The following CCDC88C variants were observed in gnomAD, a reference collection of about 807,000 sequenced individuals.
The protein encoded by CCDC88C is coiled-coil and HOOK domain protein 88C.
A neutral mutation model predicts 198.8 loss-of-function variants in CCDC88C; 131 were observed. The observed-to-expected ratio is 0.66, with a 90% CI of 0.57 to 0.76. The LOEUF (loss-of-function observed/expected upper bound fraction) is 0.76. Among genes scored for constraint, CCDC88C ranks in the 30% least tolerant of loss-of-function variants. The pLI, the probability that CCDC88C is intolerant of heterozygous loss-of-function variation, is 0.00. For missense variants in CCDC88C, 2,553 were observed against 2,631.6 expected (o/e 0.97, Z 0.65); for synonymous variants, 1,166 against 1,114.7 (o/e 1.05, Z -0.92).
chr14:91,296,836 G>A (rs1265264713), intron 22 of CCDC88C, among the ~76,000 whole-genome samples: 2 of 152,152 alleles, frequency 1.3e-5, no homozygotes, highest in African/African-American at 4.8e-5. Context: ...TCTGGAGAGG[G>A]TCTTGCTGCG....
At chr14:91,398,889 C>G (rs1316512457) in intron 3 of CCDC88C, among the ~76,000 whole-genome samples, 17 of 152,278 alleles carry the variant, frequency 1.1e-4, no homozygotes, top group Non-Finnish European at 1.8e-4. Flanking sequence ...TGGCTTTCCT[C>G]GGCCCAGACG....
In CCDC88C at chr14:91,293,581, T is replaced by TCGCCTGCCACAGCCCACCTTCCTGC. The variant is rs1567055999; in HGVS notation, c.4112+591_4112+592insGCAGGAAGGTGGGCTGTGGCAGGCG. Among the ~76,000 whole-genome samples, 72 of 27,956 alleles carry TCGCCTGCCACAGCCCACCTTCCTGC rather than the reference T, an allele frequency of 2.6e-3. 7 individuals are homozygous for TCGCCTGCCACAGCCCACCTTCCTGC. Among genetic ancestry groups the TCGCCTGCCACAGCCCACCTTCCTGC allele is most frequent in the Non-Finnish European group, 3.6e-3 (48 of 13,286 alleles). The allele number at this position is 27,956 out of a possible 152,430, so 18.3% of individuals were successfully genotyped here. On this transcript the variant is annotated intron_variant, in intron 23 of 29. Coordinates refer to ENST00000389857, the MANE Select transcript of CCDC88C (RefSeq NM_001080414.4). ...TCGCCTGCCACGGCCCACCTTCCTG[T>TCGCCTGCCACAGCCCACCTTCCTGC]CCCCTCGCCTGCCATGGCCCACCTC...
At chr14:91,398,870 T>A (rs942444046) in intron 3 of CCDC88C, among the ~76,000 whole-genome samples, 5 of 152,250 alleles carry the variant, frequency 3.3e-5, no homozygotes, top group African/African-American at 1.2e-4. Flanking sequence ...ACAGGTCTGC[T>A]GCAGAGCATG....
rs1884757437 is a variant in CCDC88C at position 91,381,001 on chromosome 14, G to A, written c.271-21290C>T. ...GGAAAAATTTAAGTAACTCTTCTAA[G>A]TGCCAAACTGATGCCCCTTCCTGCA... On this transcript the variant is annotated intron_variant, in intron 3 of 29. Coordinates refer to ENST00000389857, the MANE Select transcript of CCDC88C (RefSeq NM_001080414.4). This position sits in a 1 kb window ranked among gnomAD's most constrained non-coding sequence, Gnocchi z 4.2. Among the ~76,000 whole-genome samples the A allele has an allele frequency of 6.6e-6, 1 of 152,226 alleles. No homozygotes were observed. The highest frequency in any genetic ancestry group is 2.4e-5 in the African/African-American group (1 of 41,448).
chr14:91,367,446 G>A (rs558143508), intron 3 of CCDC88C, among the ~76,000 whole-genome samples: 63 of 152,156 alleles, frequency 4.1e-4, no homozygotes, highest in Non-Finnish European at 7.6e-4. Flanking sequence ...GGCTTCGCAG[G>A]TGCACCCAGC....
intron 4 of CCDC88C, among the ~76,000 whole-genome samples, chr14:91,347,621 A>G (rs973119901): frequency 1.3e-5 from 2 of 152,202 alleles, no homozygotes; most frequent in Non-Finnish European, 2.9e-5. Flanking sequence ...ATGCAAATCA[A>G]AACCACAATG....
At chr14:91,347,696 G>A (rs943172406) in intron 4 of CCDC88C, among the ~76,000 whole-genome samples, 6 of 152,222 alleles carry the variant, frequency 3.9e-5, no homozygotes, top group Non-Finnish European at 8.8e-5. Flanking sequence ...AGGTGCTGGA[G>A]AGGATGTGGA....
intron 18 of CCDC88C, among the ~76,000 whole-genome samples, chr14:91,306,395 A>C (rs1377558154): frequency 1.3e-5 from 2 of 152,210 alleles, no homozygotes; most frequent in Non-Finnish European, 2.9e-5. Flanking sequence ...ACCATGTTAA[A>C]GTTTGCCACC....
chr14:91,366,055 C>G (rs1894519599), intron 3 of CCDC88C, among the ~76,000 whole-genome samples: 1 of 151,982 alleles, frequency 6.6e-6, no homozygotes, highest in Non-Finnish European at 1.5e-5. Context: ...CCAGCATTTT[C>G]TAAATATTCT....
chr14:91,278,303 A>G lies in CCDC88C; in HGVS notation c.4769-92T>C, dbSNP rs1361305395. On this transcript the variant is annotated intron_variant, in intron 28 of 29. Coordinates refer to ENST00000389857, the MANE Select transcript of CCDC88C (RefSeq NM_001080414.4). Reference sequence around the variant, plus strand: ...GCTTCGTGCTGCCTTTGCCCACTTCAAACTATCAGAATAAAATCCCTTGCC... The same window carrying G: ...GCTTCGTGCTGCCTTTGCCCACTTCGAACTATCAGAATAAAATCCCTTGCC... 3 of 1,224,876 alleles carry G rather than the reference A, an allele frequency of 2.4e-6. No individual in the cohort carries two copies. The East Asian group carries it at 8.0e-5, about 33-fold the overall frequency. The allele number at this position is 1,224,876 out of a possible 1,614,324, so 75.9% of individuals were successfully genotyped here.
In CCDC88C at chr14:91,352,984, C is replaced by T. The variant is rs1017794008; in HGVS notation, c.340+6658G>A. ...CAGCCCTCACAAGTTCCCCGGGGCC[C>T]CCGAAGGAAGGCAGGGCTGTGCCGT... On this transcript the variant is annotated intron_variant, in intron 4 of 29. Coordinates refer to ENST00000389857, the MANE Select transcript of CCDC88C (RefSeq NM_001080414.4). The surrounding 1 kb of genome is among the most constrained non-coding windows in gnomAD (Gnocchi z 4.2). Among the ~76,000 whole-genome samples, 1 of 152,214 alleles carries T rather than the reference C, an allele frequency of 6.6e-6. No individual in the cohort carries two copies. Among genetic ancestry groups the T allele is most frequent in the Admixed American group, 6.5e-5 (1 of 15,288 alleles).
chr14:91,384,819 CCA>C (rs1306283087), intron 3 of CCDC88C, among the ~76,000 whole-genome samples: 1 of 152,178 alleles, frequency 6.6e-6, no homozygotes, highest in Non-Finnish European at 1.5e-5. Context: ...CCCTTCCTGG[CCA>C]CAGACAGCCC....
At chr14:91,387,214 A>G (rs1022304539) in intron 3 of CCDC88C, among the ~76,000 whole-genome samples, 2 of 152,178 alleles carry the variant, frequency 1.3e-5, no homozygotes, top group African/African-American at 4.8e-5. Context: ...TTACGCAAAG[A>G]TAATTTAACT....
Position 91,313,051 on chromosome 14 carries a change from C to T in CCDC88C, c.2736+29G>A. ...ACCCACTACCACCATCTGCCAATCCCCTTACAGGCGCCGCCTGTGTTTGCT... is the reference window on the plus strand; with the variant it reads ...ACCCACTACCACCATCTGCCAATCCTCTTACAGGCGCCGCCTGTGTTTGCT... On this transcript the variant is annotated intron_variant, in intron 15 of 29. Transcript: ENST00000389857. The surrounding 1 kb of genome is among the most constrained non-coding windows in gnomAD (Gnocchi z 5.2). 1 of 1,523,900 alleles carries T rather than the reference C, an allele frequency of 6.6e-7. No individual in the cohort carries two copies. The highest frequency in any genetic ancestry group is 8.9e-7 in the Non-Finnish European group (1 of 1,122,970). The allele number at this position is 1,523,900 out of a possible 1,614,324, so 94.4% of individuals were successfully genotyped here.
intron 10 of CCDC88C, among the ~76,000 whole-genome samples, chr14:91,328,786 G>T (rs1293566697): frequency 6.6e-6 from 1 of 152,126 alleles, no homozygotes; most frequent in Admixed American, 6.5e-5. Flanking sequence ...CTACAAACTC[G>T]CCAGCCGCCA....
rs944041540 is a variant in CCDC88C at position 91,325,176 on chromosome 14, G to A, written c.1198-253C>T. Reference sequence around the variant, plus strand: ...CGGCCGGGGTCCCTAACTGAATGCTGTCTGAACAAAGTGACATACTGCACA... The same window carrying A: ...CGGCCGGGGTCCCTAACTGAATGCTATCTGAACAAAGTGACATACTGCACA... On this transcript the variant is annotated intron_variant, in intron 11 of 29. Transcript: ENST00000389857. This position sits in a 1 kb window ranked among gnomAD's most constrained non-coding sequence, Gnocchi z 4.1. 1.3e-5 allele frequency among the ~76,000 whole-genome samples: 2 copies of A among 152,222 alleles called. No homozygotes were observed. Among genetic ancestry groups the A allele is most frequent in the Non-Finnish European group, 2.9e-5 (2 of 68,040 alleles).
chr14:91,331,232 C>T (rs901406541), intron 10 of CCDC88C, among the ~76,000 whole-genome samples: 2 of 152,086 alleles, frequency 1.3e-5, no homozygotes, highest in Non-Finnish European at 2.9e-5. Flanking sequence ...TGGAGAGAAT[C>T]GGAGGAAAGT....
chr14:91,400,363 G>A (rs1032841944), intron 3 of CCDC88C, among the ~76,000 whole-genome samples: 2 of 152,222 alleles, frequency 1.3e-5, no homozygotes, highest in African/African-American at 4.8e-5. Context: ...CCCTCCTCAG[G>A]CACATCTCCC....
intron 2 of CCDC88C, among the ~76,000 whole-genome samples, chr14:91,409,992 G>C (rs1886715396): frequency 6.6e-6 from 1 of 152,168 alleles, no homozygotes; most frequent in African/African-American, 2.4e-5. Flanking sequence ...AATGCTAAGA[G>C]ACACAATTAA....
Sources: gnomAD v4.1 joint callset for allele counts (sites outside exome capture counted in the v4.1 genomes callset) on GRCh38, gnomAD v4.1.1 for gene constraint, Gnocchi (gnomAD v3.1) non-coding constraint, MANE v1.5 for transcripts, NCBI Gene and HGNC (gene_info 2026-07-23, HGNC 2026-07-21) for gene names.